Variants in MFRP observed in about 807,000 individuals in gnomAD.
MFRP encodes the protein C1q and TNF related 5.
A neutral mutation model predicts 65.8 loss-of-function variants in MFRP; 74 were observed. The ratio of observed to expected loss-of-function variants is 1.12; its 90% CI spans 0.93 to 1.36. The LOEUF (loss-of-function observed/expected upper bound fraction) is 1.36, where lower values mean the gene tolerates loss of function less well. Among genes scored for constraint, MFRP ranks in the 40% most tolerant of loss-of-function variants. The probability of loss-of-function intolerance (pLI) is 0.00; values close to 1 mark genes in which losing one functional copy is unlikely to be tolerated. For synonymous variants in MFRP, 336 were observed against 288.3 expected, an observed-to-expected ratio of 1.17 and a Z score of -1.68; for missense variants, 838 against 736.0, an observed-to-expected ratio of 1.14 and a Z score of -1.60.
At position 119,345,015 on chromosome 11, in the gene MFRP, C is replaced by T; in HGVS notation, c.642-11G>A. The stretch of plus-strand genomic sequence containing the variant: ...ACCCTTCCACAAACCCTGCAAGAAG[C>T]CAGGTTGGGGGTGAGGGAGGCTCCA... On this transcript the variant is annotated splice_polypyrimidine_tract_variant and intron_variant, in intron 5 of 14. Coordinates refer to ENST00000619721, the MANE Select transcript of MFRP (RefSeq NM_031433.4). 6.2e-7 allele frequency: 1 copy of T among 1,600,624 alleles called. No homozygotes were observed. Among genetic ancestry groups the T allele is most frequent in the Non-Finnish European group, 8.5e-7 (1 of 1,175,084 alleles).
intron 8 of MFRP, 131 bp downstream of exon 8, chr11:119,344,184 C>G: frequency 1.0e-6 from 1 of 1,001,882 alleles, no homozygotes; most frequent in South Asian, 1.3e-5. Flanking sequence ...ATTCCCCCAT[C>G]CCCCGTCTGC....
In MFRP at chr11:119,344,385, C is replaced by T; in HGVS notation, c.905G>A (p.Gly302Glu). ...GCCCTGGAGGCCAGTCAGATTCCCC[C>T]CACACCCTGTAGAGAGGTGGAAGGG... ...TNCSAKFSGC[G>E]GNLTGLQGTF... Residue 302 changes from glycine to glutamate, a missense_variant, in exon 8 of 15, where the codon GGG becomes GAG. Coordinates refer to ENST00000619721, the MANE Select transcript of MFRP (RefSeq NM_031433.4). 1 of 1,613,646 alleles carries T rather than the reference C, an allele frequency of 6.2e-7. No individual in the cohort carries two copies. Among genetic ancestry groups the T allele is most frequent in the Non-Finnish European group, 8.5e-7 (1 of 1,179,802 alleles).
rs754036023 is a variant in MFRP at position 119,344,897 on chromosome 11, T to C, written c.749A>G (p.Tyr250Cys). ...ACCGCGCCCAGGGGCCATAGCCTGG[T>C]ACCAGGCATGGAAACCAAATCCTTC... The part of the protein sequence containing the change: ...SVEGFGFHAW[Y>C]QAMAPGRGSC... The change falls in exon 6 of 15, where the codon TAC becomes TGC. Residue 250 changes from tyrosine to cysteine, a missense_variant. Transcript: ENST00000619721. 1 of 1,612,844 alleles carries C rather than the reference T, an allele frequency of 6.2e-7. No homozygotes were observed. Among genetic ancestry groups the C allele is most frequent in the Non-Finnish European group, 8.5e-7 (1 of 1,179,808 alleles).
In MFRP at chr11:119,341,888, T is replaced by A; in HGVS notation, c.1484A>T (p.Glu495Val). 6.2e-7 allele frequency: 1 copy of A among 1,609,528 alleles called. No individual in the cohort carries two copies. The highest frequency in any genetic ancestry group is 8.5e-7 in the Non-Finnish European group (1 of 1,177,644). The change falls in exon 12 of 15, where the codon GAG (glutamate) becomes GTG (valine). Residue 495 changes from glutamate to valine, a missense_variant. Transcript: ENST00000619721. ...ACCGCTGAGGACCTCTACCACCTCC[T>A]CCTGGGTGATCATGCCCACCCAGAT... ...PNIWVGMITQ[E>V]EVVEVLSGYK...
Position 119,339,740 on chromosome 11 carries a change from G to T in MFRP, c.*1219C>A. On this transcript the variant is annotated 3_prime_UTR_variant, in exon 15 of 15. Coordinates refer to ENST00000619721, the MANE Select transcript of MFRP (RefSeq NM_031433.4). This position sits in a 1 kb window ranked among gnomAD's most constrained non-coding sequence, Gnocchi z 5.4. ...AGGCACCCGGCTCTCGGAGCGCTTGGCGCTGAAGGCGGATCGCGGAGGCAC... is the reference window on the plus strand; with the variant it reads ...AGGCACCCGGCTCTCGGAGCGCTTGTCGCTGAAGGCGGATCGCGGAGGCAC... 1.3e-6 allele frequency: 2 copies of T among 1,597,166 alleles called. No individual in the cohort carries two copies. Among genetic ancestry groups the T allele is most frequent in the Non-Finnish European group, 1.7e-6 (2 of 1,177,770 alleles).
chr11:119,341,534 G>A lies in MFRP; in HGVS notation c.*14C>T, dbSNP rs762577318. 3.1e-6 allele frequency: 5 copies of A among 1,607,178 alleles called. No homozygotes were observed. In the South Asian group the frequency reaches 3.3e-5, roughly 11 times the overall value. On this transcript the variant is annotated 3_prime_UTR_variant, in exon 13 of 15. Transcript: ENST00000619721. ...AGAGGACGGGCAGGAAGAGGGCAGG[G>A]GCCGGCTTCAGGGTCAGGGCTGGGC...
At chr11:119,344,224 A>G in intron 8 of MFRP, 91 bp downstream of exon 8, 1 of 1,231,594 alleles carries the variant, frequency 8.1e-7, no homozygotes, top group Admixed American at 1.7e-5. Context: ...AGTAGAAGGT[A>G]GTGTCTACCA....
chr11:119,346,418 C>A (rs1258429613), intron 1 of MFRP, 42 bp downstream of exon 1: 1 of 1,613,746 alleles, frequency 6.2e-7, no homozygotes, highest in Non-Finnish European at 8.5e-7. Context: ...GCAGTGACCA[C>A]TGGTGCTGGG....
chr11:119,345,051 C>A, intron 5 of MFRP, 47 bp from the exon 6 acceptor site: 1 of 1,583,204 alleles, frequency 6.3e-7, no homozygotes, highest in South Asian at 1.2e-5. Context: ...AGAGCAGGGT[C>A]AGCCAGAGAG....
Position 119,341,939 on chromosome 11 carries a change from C to T in MFRP, c.1433G>A (p.Ser478Asn), listed in dbSNP as rs1292802814. Reference protein sequence around the residue: ...PVQVEMCLGLSYNTTAFPNIW... With the variant: ...PVQVEMCLGLNYNTTAFPNIW... ...GTTAGGGAAGGCTGTGGTGTTGTAG[C>T]TCAGACCGAGGCACATCTCCACCTG... Residue 478 changes from serine (S) to asparagine (N), a missense_variant, in exon 12 of 15, where the codon AGC (serine) becomes AAC (asparagine). Transcript: ENST00000619721. 6.2e-7 allele frequency: 1 copy of T among 1,613,854 alleles called. No individual in the cohort carries two copies. The highest frequency in any genetic ancestry group is 8.5e-7 in the Non-Finnish European group (1 of 1,180,026).
At position 119,344,717 on chromosome 11, in the gene MFRP, G is replaced by A. The variant is rs772000594; in HGVS notation, c.813C>T (p.Ile271=). 1.2e-6 allele frequency: 2 copies of A among 1,614,096 alleles called. No individual in the cohort carries two copies. The highest frequency in any genetic ancestry group is 2.2e-5 in the South Asian group (2 of 91,090). Residue 271 remains isoleucine (I), a synonymous_variant, in exon 7 of 15, where the codon ATC becomes ATT. Coordinates refer to ENST00000619721, the MANE Select transcript of MFRP (RefSeq NM_031433.4). ...AHDEFRCDQL[I]CLLPDSVCDG... ...CACACACTGAGTCAGGTAGCAGGCAGATGAGCTGGTCACAGCGGAACTCAT... is the reference window on the plus strand; with the variant it reads ...CACACACTGAGTCAGGTAGCAGGCAAATGAGCTGGTCACAGCGGAACTCAT...
At position 119,344,266 on chromosome 11, in the gene MFRP, G is replaced by T. The variant is rs117790326; in HGVS notation, c.975+49C>A. ...TCCCATTACACTAACTTGGGGATCAGGTGCTTCCGTGTGTGCCCCTCCCGT... is the reference window on the plus strand; with the variant it reads ...TCCCATTACACTAACTTGGGGATCATGTGCTTCCGTGTGTGCCCCTCCCGT... On this transcript the variant is annotated intron_variant, in intron 8 of 14. Coordinates refer to ENST00000619721, the MANE Select transcript of MFRP (RefSeq NM_031433.4). The T allele has an allele frequency of 4.7e-3, 7,193 of 1,543,958 alleles. 18 individuals are homozygous for T. The highest frequency in any genetic ancestry group is 5.6e-3 in the Non-Finnish European group (6,242 of 1,116,248).
rs752546802 is a variant in MFRP at position 119,346,556 on chromosome 11, C to T, written c.-43G>A. ...GGCTTTCTGGAGTCCCTGTGACAGC[C>T]CAAGACCCCCAAGGGCCCACTCGCT... On this transcript the variant is annotated 5_prime_UTR_variant, in exon 1 of 15. Transcript: ENST00000619721. 1 of 1,599,676 alleles carries T rather than the reference C, an allele frequency of 6.3e-7. No individual in the cohort carries two copies. The highest frequency in any genetic ancestry group is 1.7e-5 in the Admixed American group (1 of 59,986).
intron 2 of MFRP, 38 bp from the exon 3 acceptor site, chr11:119,346,197 G>C: frequency 3.8e-6 from 6 of 1,568,324 alleles, no homozygotes; most frequent in Non-Finnish European, 5.2e-6. Context: ...AGCCCCTTCT[G>C]TTGGGTATTC....
intron 8 of MFRP, 125 bp from the exon 9 acceptor site, chr11:119,344,089 T>G (rs960044823): frequency 1.1e-4 from 137 of 1,257,070 alleles, no homozygotes; most frequent in Non-Finnish European, 1.5e-4. Flanking sequence ...CATTGGTGGT[T>G]CTTAAGGACC....
Position 119,340,231 on chromosome 11 carries a change from T to C in MFRP, c.*1063A>G, listed in dbSNP as rs781447214. ...CTCTCCCGGAGCCCCGGGCGCGCCG[T>C]CGCGGCCGTCGCGGCCATCGCGGCC... On this transcript the variant is annotated 3_prime_UTR_variant, in exon 14 of 15. Transcript: ENST00000619721. 1.3e-5 allele frequency: 20 copies of C among 1,512,490 alleles called. 1 individual carries two copies. The South Asian group carries it at 2.5e-4, about 19-fold the overall frequency. 93.7% of individuals were successfully genotyped at this position (1,512,490 alleles called of 1,614,324 possible).
chr11:119,342,835 C>G, intron 10 of MFRP, 38 bp downstream of exon 10: 1 of 1,613,056 alleles, frequency 6.2e-7, no homozygotes, highest in South Asian at 1.1e-5. Context: ...CCTGGAGGTG[C>G]CTCTACTGCC....
rs770293747 is a variant in MFRP, at chr11:119,341,865, C to T, written c.1507G>A (p.Gly503Ser). ...TQEEVVEVLS[G>S]YKSLTSLPCY... ...CCCTCCACCCAGAAGACCTTGTAAC[C>T]GCTGAGGACCTCTACCACCTCCTCC... is the stretch of plus-strand genomic sequence containing the variant. The change falls in exon 12 of 15, where the codon GGT becomes AGT. Residue 503 changes from glycine (G) to serine (S), a missense_variant. Gly to Ser is a moderately conservative substitution (Grantham distance 56, BLOSUM62 0). Coordinates refer to ENST00000619721, the MANE Select transcript of MFRP (RefSeq NM_031433.4). 47 of 1,613,886 alleles carry T rather than the reference C, an allele frequency of 2.9e-5. No individual in the cohort carries two copies. Among genetic ancestry groups the T allele is most frequent in the East Asian group, 2.0e-4 (9 of 44,888 alleles).
rs1352244040 is a variant in MFRP, at chr11:119,341,706, A to G, written c.1582T>C (p.Cys528Arg). 6.2e-7 allele frequency: 1 copy of G among 1,613,184 alleles called. No individual in the cohort carries two copies. The highest frequency in any genetic ancestry group is 1.7e-5 in the Admixed American group (1 of 60,024). ...RLLCGLLVPRCTPLGSVLPPC... is the reference protein window; with the variant it reads ...RLLCGLLVPRRTPLGSVLPPC... ...GGCAGAACACTGCCTAGTGGGGTGCAACGGGGCACAAGCAGCCCACACAGG... is the reference window on the plus strand; with the variant it reads ...GGCAGAACACTGCCTAGTGGGGTGCGACGGGGCACAAGCAGCCCACACAGG... The change falls in exon 13 of 15, where the codon TGC becomes CGC. Residue 528 changes from cysteine (C) to arginine (R), a missense_variant. Transcript: ENST00000619721.
Sources: allele counts gnomAD v4.1 joint callset, GRCh38; gene constraint gnomAD v4.1.1; non-coding constraint Gnocchi (gnomAD v3.1); transcripts MANE v1.5; gene names NCBI Gene and HGNC (gene_info 2026-07-23, HGNC 2026-07-21).